Variants in DNAH14 observed in about 807,000 individuals in gnomAD.
DNAH14 encodes the protein axonemal beta dynein heavy chain 14.
A neutral mutation model predicts 520.9 loss-of-function variants in DNAH14; 478 were observed. That is an observed-to-expected ratio of 0.92 (90% CI 0.85 to 0.99). The LOEUF (loss-of-function observed/expected upper bound fraction) is 0.99. Ranked by LOEUF, DNAH14 falls within the 50% of genes least tolerant of loss-of-function variation. DNAH14 has a pLI of 0.00. For missense variants in DNAH14, 4,831 were observed against 5,234.5 expected, an observed-to-expected ratio of 0.92 and a Z score of 2.38; for synonymous variants, 1,581 against 1,757.2, an observed-to-expected ratio of 0.90 and a Z score of 2.51.
chr1:225,272,064 T>A lies in DNAH14; in HGVS notation c.7830T>A (p.Asp2610Glu). 6.5e-7 allele frequency: 1 copy of A among 1,549,492 alleles called. No homozygotes were observed. Among genetic ancestry groups the A allele is most frequent in the South Asian group, 1.2e-5 (1 of 83,720 alleles). Residue 2610 changes from aspartate to glutamate, a missense_variant, in exon 51 of 86, where the codon GAT becomes GAA. Coordinates refer to ENST00000682510, the MANE Select transcript of DNAH14 (RefSeq NM_001367479.1). ...TKCHYMFNLRDMFKLLLGLLQ... is the reference protein window; with the variant it reads ...TKCHYMFNLREMFKLLLGLLQ... ...GTCACTACATGTTTAATCTTCGAGA[T>A]ATGTTTAAGGTTTGTTTTAATGTTC...
chr1:224,949,478 C>G (rs975366237), intron 1 of DNAH14, among the ~76,000 whole-genome samples: 2 of 152,198 alleles, frequency 1.3e-5, no homozygotes, highest in African/African-American at 2.4e-5. Context: ...CCCCATTTCT[C>G]TCTTCTTCCA....
intron 36 of DNAH14, among the ~76,000 whole-genome samples, chr1:225,171,514 A>T (rs1354263000): frequency 2.0e-5 from 3 of 152,212 alleles, no homozygotes; most frequent in Non-Finnish European, 4.4e-5. Flanking sequence ...AACCTTGAAA[A>T]TCTAGAAGAA....
At chr1:225,223,042 T>A (rs527755068) in intron 41 of DNAH14, among the ~76,000 whole-genome samples, 13 of 152,218 alleles carry the variant, frequency 8.5e-5, no homozygotes, top group African/African-American at 2.9e-4. Flanking sequence ...CTCCTCCTTC[T>A]CCTTCAGCCC....
chr1:225,251,361 A>G (rs1204827310), intron 43 of DNAH14, among the ~76,000 whole-genome samples: 1 of 152,004 alleles, frequency 6.6e-6, no homozygotes, highest in Non-Finnish European at 1.5e-5. Flanking sequence ...TTTAGTAGAG[A>G]CGGGGTTGCA....
chr1:225,071,032 G>A (rs781450930), intron 17 of DNAH14, among the ~76,000 whole-genome samples: 6 of 152,078 alleles, frequency 3.9e-5, no homozygotes. Context: ...CATTTGCTTC[G>A]TAGATTTTCT....
chr1:225,080,865 C>A, intron 19 of DNAH14, 117 bp downstream of exon 19: 3 of 1,093,586 alleles, frequency 2.7e-6, no homozygotes, highest in Non-Finnish European at 3.8e-6. Flanking sequence ...ACCATTATGG[C>A]TAGAGCTACA....
chr1:225,023,634 T>C lies in DNAH14; in HGVS notation c.1127T>C (p.Ile376Thr). 6.5e-7 allele frequency: 1 copy of C among 1,530,634 alleles called. No individual in the cohort carries two copies. 94.8% of individuals were successfully genotyped at this position (1,530,634 alleles called of 1,614,324 possible). A position where few individuals can be genotyped will look rare whatever the true frequency, so the allele number is the denominator to read the frequency against. ...TFLKVAEKNE[I>T]KEYFESKLSE... Reference sequence around the variant, plus strand: ...TTGTAGGTTGCAGAAAAGAATGAAATCAAAGAGTATTTTGAGTCAAAACTC... The same window carrying C: ...TTGTAGGTTGCAGAAAAGAATGAAACCAAAGAGTATTTTGAGTCAAAACTC... Residue 376 changes from isoleucine to threonine, a missense_variant, in exon 11 of 86, where the codon ATC becomes ACC. Ile to Thr is a moderately conservative substitution (Grantham distance 89, BLOSUM62 -1). Transcript: ENST00000682510.
chr1:225,387,995 G>A (rs1390407547), intron 81 of DNAH14, among the ~76,000 whole-genome samples: 1 of 152,118 alleles, frequency 6.6e-6, no homozygotes, highest in African/African-American at 2.4e-5. Context: ...TAAGGGAGTA[G>A]ACAGTGGGTG....
chr1:224,956,936 A>G (rs1439682489), intron 3 of DNAH14, among the ~76,000 whole-genome samples: 1 of 152,154 alleles, frequency 6.6e-6, no homozygotes, highest in East Asian at 1.9e-4. Flanking sequence ...ATATAAGGCT[A>G]GATAGGGATA....
At chr1:225,233,115 T>C (rs181095874) in intron 42 of DNAH14, among the ~76,000 whole-genome samples, 88 of 152,296 alleles carry the variant, frequency 5.8e-4, no homozygotes, top group African/African-American at 1.9e-3. Context: ...GCTCCAACCA[T>C]GTCCCTGCAA....
intron 8 of DNAH14, among the ~76,000 whole-genome samples, chr1:224,985,250 C>A (rs1388918739): frequency 6.6e-6 from 1 of 152,048 alleles, no homozygotes; most frequent in East Asian, 1.9e-4. Context: ...TGTAAAGAAA[C>A]CCTGGTATAT....
chr1:225,370,802 A>G (rs1381144884), intron 77 of DNAH14, among the ~76,000 whole-genome samples: 6 of 152,146 alleles, frequency 3.9e-5, no homozygotes, highest in African/African-American at 1.4e-4. Context: ...AAGGAAAAAT[A>G]CATTTTAAAA....
intron 8 of DNAH14, among the ~76,000 whole-genome samples, chr1:225,000,181 T>A (rs900234271): frequency 6.6e-5 from 10 of 152,184 alleles, no homozygotes; most frequent in Admixed American, 6.5e-4. Context: ...AGATATAGGA[T>A]TCTGGGTTGA....
intron 44 of DNAH14, among the ~76,000 whole-genome samples, chr1:225,257,116 T>G (rs1030648540): frequency 1.3e-5 from 2 of 152,232 alleles, no homozygotes; most frequent in Non-Finnish European, 2.9e-5. Context: ...TTCCAGAAAT[T>G]ATTATGTATT....
intron 11 of DNAH14, among the ~76,000 whole-genome samples, chr1:225,035,959 G>GT (rs2066924611): frequency 6.6e-6 from 1 of 151,980 alleles, no homozygotes. Flanking sequence ...TTGTATTGGG[G>GT]TTTATCTTTC....
At chr1:225,345,859 G>A (rs2095278368) in intron 69 of DNAH14, 103 bp from the exon 70 acceptor site, 3 of 912,500 alleles carry the variant, frequency 3.3e-6, no homozygotes, top group South Asian at 4.6e-5. Context: ...AAGCCAATAA[G>A]AAGCCAACAG....
chr1:225,084,268 G>A (rs984688252), intron 20 of DNAH14, among the ~76,000 whole-genome samples: 14 of 152,066 alleles, frequency 9.2e-5, no homozygotes, highest in Admixed American at 8.5e-4. Flanking sequence ...GTAATTTCAA[G>A]TGAACTCTAA....
intron 69 of DNAH14, among the ~76,000 whole-genome samples, chr1:225,343,970 TG>T (rs2095243756): frequency 6.6e-6 from 1 of 152,176 alleles, no homozygotes; most frequent in African/African-American, 2.4e-5. Context: ...GAACAAAAGA[TG>T]GATTTGATGA....
At chr1:225,179,472 GAAAC>G (rs766254463) in intron 36 of DNAH14, among the ~76,000 whole-genome samples, 13 of 152,182 alleles carry the variant, frequency 8.5e-5, no homozygotes, top group Admixed American at 2.6e-4. Context: ...ACAACGAAAA[GAAAC>G]AAACTAAACT....
Sources: allele counts gnomAD v4.1 joint callset (sites outside exome capture counted in the v4.1 genomes callset), GRCh38; gene constraint gnomAD v4.1.1; transcripts MANE v1.5; gene names NCBI Gene and HGNC (gene_info 2026-07-23, HGNC 2026-07-21).